The following MYO5C variants were observed in gnomAD, a reference collection of about 807,000 sequenced individuals.
MYO5C encodes unconventional myosin-Vc.
Under a neutral mutation model 235.7 loss-of-function variants are expected in MYO5C, and 194 were observed. That is an observed-to-expected ratio of 0.82 (90% CI 0.73 to 0.93). The LOEUF is 0.93. MYO5C is among the 40% of genes least tolerant of loss of function. The probability of loss-of-function intolerance (pLI) is 0.00; values close to 1 mark genes in which losing one functional copy is unlikely to be tolerated. For missense variants in MYO5C, 2,038 were observed against 2,127.2 expected, an observed-to-expected ratio of 0.96 and a Z score of 0.82; for synonymous variants, 707 against 754.8, an observed-to-expected ratio of 0.94 and a Z score of 1.04.
rs1229068118 is a variant in MYO5C, at chr15:52,219,776, C to T, written c.3768G>A (p.Glu1256=). Residue 1256 remains glutamate, a synonymous_variant, in exon 31 of 41, where the codon GAG becomes GAA. Coordinates refer to ENST00000261839, the MANE Select transcript of MYO5C (RefSeq NM_018728.4). ...ACACTTACTTTCTTTGTGTTCCTTC[C>T]TCCTCTTGACTGCGATGTAACTGAT... The part of the protein sequence containing the change: ...LSNQLHRSQE[E]EGTQRKALEA... 1 of 1,612,406 alleles carries T rather than the reference C, an allele frequency of 6.2e-7. No individual in the cohort carries two copies. The highest frequency in any genetic ancestry group is 8.5e-7 in the Non-Finnish European group (1 of 1,178,874).
At chr15:52,286,104 C>A (rs1566995484) in intron 1 of MYO5C, among the ~76,000 whole-genome samples, 5 of 151,110 alleles carry the variant, frequency 3.3e-5, no homozygotes. Context: ...AAGTGAGGAG[C>A]CCCTCCGCCC....
chr15:52,257,236 A>G (rs555646849), intron 10 of MYO5C, among the ~76,000 whole-genome samples: 153 of 152,326 alleles, frequency 1.0e-3, no homozygotes, highest in Middle Eastern at 3.4e-3. Flanking sequence ...GTGCTTTCAT[A>G]GCTCCTAGAG....
chr15:52,210,131 T>C (rs1392276239), intron 35 of MYO5C, among the ~76,000 whole-genome samples: 2 of 151,902 alleles, frequency 1.3e-5, no homozygotes, highest in Non-Finnish European at 2.9e-5. Context: ...ACCTGGCCAA[T>C]TTTTGTCTTT....
At chr15:52,242,944 A>T (rs2036259331) in intron 19 of MYO5C, 1 of 152,256 alleles carries the variant, frequency 6.6e-6, no homozygotes, top group African/African-American at 2.4e-5. Flanking sequence ...TGGAATCACT[A>T]GAATAAGATG....
chr15:52,194,074 A>G lies in MYO5C; in HGVS notation c.5077-20T>C. The G allele has an allele frequency of 6.2e-7, 1 of 1,602,788 alleles. No individual in the cohort carries two copies. Among genetic ancestry groups the G allele is most frequent in the Non-Finnish European group, 8.5e-7 (1 of 1,175,952 alleles). ...GAGAGCCTGAAATTAGAATCAGAGG[A>G]AAAATGAGTAAGGAAACTAACATGT... On this transcript the variant is annotated intron_variant, in intron 40 of 40. Transcript: ENST00000261839.
intron 4 of MYO5C, chr15:52,277,785 T>C: frequency 2.2e-6 from 1 of 453,064 alleles, no homozygotes; most frequent in Non-Finnish European, 4.4e-6. Context: ...CTGAAGAAGC[T>C]CGGTCTAGCC....
chr15:52,245,773 C>T (rs1365957412), intron 17 of MYO5C, among the ~76,000 whole-genome samples, 183 bp downstream of exon 17: 1 of 152,254 alleles, frequency 6.6e-6, no homozygotes, highest in Non-Finnish European at 1.5e-5. Context: ...GTGTTGACCT[C>T]CGACCCCTAC....
chr15:52,215,660 C>G (rs2035535702), intron 32 of MYO5C, among the ~76,000 whole-genome samples: 1 of 152,152 alleles, frequency 6.6e-6, no homozygotes, highest in Non-Finnish European at 1.5e-5. Context: ...TATAATATAT[C>G]TAATAAAATG....
chr15:52,266,474 C>T (rs2036814077), intron 8 of MYO5C, among the ~76,000 whole-genome samples: 1 of 152,212 alleles, frequency 6.6e-6, no homozygotes. Flanking sequence ...GGGGTAATCT[C>T]ACTGCTAACT....
intron 34 of MYO5C, among the ~76,000 whole-genome samples, 195 bp from the exon 35 acceptor site, chr15:52,212,079 CTCT>C (rs1470767844): frequency 6.6e-6 from 1 of 152,208 alleles, no homozygotes; most frequent in South Asian, 2.1e-4. Context: ...TCACTTGTTC[CTCT>C]TCTTGTTTAC....
chr15:52,279,931 G>A (rs1028959862), intron 2 of MYO5C, among the ~76,000 whole-genome samples: 5 of 152,170 alleles, frequency 3.3e-5, no homozygotes, highest in East Asian at 1.9e-4. Flanking sequence ...TCTCATCTGC[G>A]AAGAGGAGCT....
intron 24 of MYO5C, among the ~76,000 whole-genome samples, chr15:52,230,437 T>C (rs918161955): frequency 6.6e-6 from 1 of 151,994 alleles, no homozygotes; most frequent in African/African-American, 2.4e-5. Flanking sequence ...GGAGTTTTGC[T>C]CTTTTACCCA....
intron 13 of MYO5C, among the ~76,000 whole-genome samples, chr15:52,249,618 G>A (rs556841966): frequency 2.0e-5 from 3 of 152,112 alleles, no homozygotes; most frequent in African/African-American, 7.2e-5. Context: ...CAGGAACACC[G>A]GCTGTTTGCA....
At position 52,205,325 on chromosome 15, in the gene MYO5C, A is replaced by G. The variant is rs558816938; in HGVS notation, c.4538-178T>C. ...GGACACCAGGGTGTGTGTCAGGGTT[A>G]GGGATGGACGGCTGTTTCCAGCGGG... On this transcript the variant is annotated intron_variant, in intron 37 of 40. Transcript: ENST00000261839. 1.1e-4 allele frequency: 76 copies of G among 687,168 alleles called. 2 individuals are homozygous for G. In the South Asian group the frequency reaches 1.4e-3, roughly 13 times the overall value. The allele number at this position is 687,168 out of a possible 1,614,324, so 42.6% of individuals were successfully genotyped here.
rs1472422847 is a variant in MYO5C at position 52,271,798 on chromosome 15, G to T, written c.797C>A (p.Ser266Tyr). ...ATGTTTAAATTCCGACTGCTGTGCA[G>T]ATGCACAAAGCTGATAGAAAATGTG... is the stretch of plus-strand genomic sequence containing the variant. ...NYHIFYQLCASAQQSEFKHLK... is the reference protein window; with the variant it reads ...NYHIFYQLCAYAQQSEFKHLK... Residue 266 changes from serine (S) to tyrosine (Y), a missense_variant, in exon 7 of 41, where the codon TCT becomes TAT. By Grantham distance (144) the Ser-to-Tyr change is moderately radical. Transcript: ENST00000261839. The T allele has an allele frequency of 6.3e-7, 1 of 1,582,362 alleles. No homozygotes were observed. Among genetic ancestry groups the T allele is most frequent in the Non-Finnish European group, 8.6e-7 (1 of 1,157,570 alleles).
Position 52,199,115 on chromosome 15 carries a change from G to A in MYO5C, c.4821-2632C>T, listed in dbSNP as rs190419001. On this transcript the variant is annotated intron_variant, in intron 38 of 40. Coordinates refer to ENST00000261839, the MANE Select transcript of MYO5C (RefSeq NM_018728.4). ...TCACTGTGTTAGCCAGGATGGTCTCGATCTCCTGACCTCGTGATCCGCCCA... is the reference window on the plus strand; with the variant it reads ...TCACTGTGTTAGCCAGGATGGTCTCAATCTCCTGACCTCGTGATCCGCCCA... Among the ~76,000 whole-genome samples, 66 of 151,482 alleles carry A rather than the reference G, an allele frequency of 4.4e-4. No homozygotes were observed. In the East Asian group the frequency reaches 9.9e-3, roughly 23 times the overall value.
chr15:52,203,465 C>T (rs2035233601), intron 38 of MYO5C, among the ~76,000 whole-genome samples: 1 of 152,208 alleles, frequency 6.6e-6, no homozygotes, highest in Non-Finnish European at 1.5e-5. Context: ...CCTGCCTCGG[C>T]CTCCCGAGTA....
In MYO5C at chr15:52,195,496, A is replaced by G. The variant is rs2035025852; in HGVS notation, c.4996-39T>C. 3 of 1,351,292 alleles carry G rather than the reference A, an allele frequency of 2.2e-6. No homozygotes were observed. In the East Asian group the frequency reaches 7.2e-5, roughly 33 times the overall value. 83.7% of individuals were successfully genotyped at this position (1,351,292 alleles called of 1,614,324 possible). A position where few individuals can be genotyped will look rare whatever the true frequency, so the allele number is the denominator to read the frequency against. On this transcript the variant is annotated intron_variant, in intron 39 of 40. Transcript: ENST00000261839. ...ATAACATGGTGTTAGACCATGCAAAATAATAACTCTGTTCATAAAATAATG... is the reference window on the plus strand; with the variant it reads ...ATAACATGGTGTTAGACCATGCAAAGTAATAACTCTGTTCATAAAATAATG...
chr15:52,253,239 C>T lies in MYO5C; in HGVS notation c.1536+78G>A, dbSNP rs144594193. 7.0e-4 allele frequency: 985 copies of T among 1,397,626 alleles called. 7 individuals are homozygous for T. In the African/African-American group the frequency reaches 0.013, roughly 19 times the overall value. The allele number at this position is 1,397,626 out of a possible 1,614,324, so 86.6% of individuals were successfully genotyped here. A position where few individuals can be genotyped will look rare whatever the true frequency, so the allele number is the denominator to read the frequency against. ...TAAACATCAGGACTTCACAAGCACA[C>T]TTCAAAAAAACTGCTTTGCAAAATG... is the stretch of plus-strand genomic sequence containing the variant. On this transcript the variant is annotated intron_variant, in intron 12 of 40. Coordinates refer to ENST00000261839, the MANE Select transcript of MYO5C (RefSeq NM_018728.4).
Sources: gnomAD v4.1 joint callset for allele counts (sites outside exome capture counted in the v4.1 genomes callset) on GRCh38, gnomAD v4.1.1 for gene constraint, MANE v1.5 for transcripts, NCBI Gene and HGNC (gene_info 2026-07-23, HGNC 2026-07-21) for gene names.